Variants in GAS2 observed in about 807,000 individuals in gnomAD.
GAS2 encodes growth arrest specific 2, also known as growth arrest-specific protein 2.
In GAS2, 20 loss-of-function variants were observed where a neutral mutation model predicts 37.5. That is an observed-to-expected ratio of 0.53 (90% CI 0.37 to 0.77). The LOEUF (loss-of-function observed/expected upper bound fraction) is 0.77, where lower values mean the gene tolerates loss of function less well. Ranked by LOEUF, GAS2 falls within the 30% of genes least tolerant of loss-of-function variation. GAS2 has a pLI of 0.00. For missense variants in GAS2, 336 were observed against 373.4 expected, an observed-to-expected ratio of 0.90 and a Z score of 0.82; for synonymous variants, 144 against 132.2, an observed-to-expected ratio of 1.09 and a Z score of -0.61.
intron 1 of GAS2, among the ~76,000 whole-genome samples, chr11:22,647,725 T>G (rs1242304681): frequency 3.3e-5 from 5 of 152,194 alleles, no homozygotes; most frequent in Non-Finnish European, 5.9e-5. Flanking sequence ...TGTCTTCTTT[T>G]GAGAAGTGTC....
chr11:22,786,764 A>C (rs1855838203), intron 7 of GAS2, among the ~76,000 whole-genome samples: 1 of 152,110 alleles, frequency 6.6e-6, no homozygotes, highest in South Asian at 2.1e-4. Flanking sequence ...GGTGAGTGCA[A>C]ACTTGTATCT....
rs112555286 is a variant in GAS2 at position 22,775,058 on chromosome 11, G to A, written c.723+19105G>A. ...AGGAGGAGTGGGCAACGAGAGGCTG[G>A]TGTAGCAAGGGAGACATGATGCCAG... On this transcript the variant is annotated intron_variant, in intron 7 of 7. Coordinates refer to ENST00000454584, the MANE Select transcript of GAS2 (RefSeq NM_001143830.3). Among the ~76,000 whole-genome samples the A allele has an allele frequency of 4.5e-3, 692 of 152,240 alleles. 5 individuals are homozygous for A. The highest frequency in any genetic ancestry group is 0.016 in the African/African-American group (661 of 41,540).
chr11:22,804,855 C>A (rs998151944), intron 7 of GAS2, among the ~76,000 whole-genome samples: 3 of 152,018 alleles, frequency 2.0e-5, no homozygotes, highest in Non-Finnish European at 2.9e-5. Context: ...CTGACCAAAA[C>A]TAAAAGGATC....
rs35919121 is a variant in GAS2, at chr11:22,732,770, TATCATCATCATC to T, written c.410-4903_410-4892del. The stretch of plus-strand genomic sequence containing the variant: ...ACATTCGCATTATTTCCCCTCCATT[TATCATCATCATC>T]ATCATCATCATCATCATCATCATCA... On this transcript the variant is annotated intron_variant, in intron 4 of 7. Transcript: ENST00000454584. Among the ~76,000 whole-genome samples the T allele has an allele frequency of 6.9e-3, 1,003 of 145,916 alleles. 8 individuals are homozygous for T. Among genetic ancestry groups the T allele is most frequent in the African/African-American group, 0.02 (780 of 39,118 alleles).
chr11:22,644,070 A>G (rs1157656709), intron 1 of GAS2, among the ~76,000 whole-genome samples: 2 of 152,174 alleles, frequency 1.3e-5, no homozygotes, highest in African/African-American at 2.4e-5. Flanking sequence ...ATGCATGTAC[A>G]TTACCTGCAT....
chr11:22,785,572 A>G (rs1855781276), intron 7 of GAS2, among the ~76,000 whole-genome samples: 1 of 152,026 alleles, frequency 6.6e-6, no homozygotes, highest in East Asian at 1.9e-4. Flanking sequence ...TGCCCTTGTC[A>G]CCTCCACAGC....
At chr11:22,644,907 A>G (rs953045004) in intron 1 of GAS2, among the ~76,000 whole-genome samples, 1 of 152,136 alleles carries the variant, frequency 6.6e-6, no homozygotes, top group Non-Finnish European at 1.5e-5. Context: ...TACAGGCATG[A>G]GCCACCACTA....
At chr11:22,715,992 T>G (rs1851659996) in intron 3 of GAS2, among the ~76,000 whole-genome samples, 2 of 152,092 alleles carry the variant, frequency 1.3e-5, no homozygotes, top group African/African-American at 4.8e-5. Flanking sequence ...CAAAACATAA[T>G]CCGCCATGAT....
intron 7 of GAS2, among the ~76,000 whole-genome samples, chr11:22,783,891 T>C (rs1327482845): frequency 2.0e-5 from 3 of 152,190 alleles, no homozygotes; most frequent in South Asian, 2.1e-4. Context: ...GCAGCGTTTA[T>C]TGAATTAGCG....
At chr11:22,654,621 C>T (rs1196638654) in intron 1 of GAS2, among the ~76,000 whole-genome samples, 1 of 152,044 alleles carries the variant, frequency 6.6e-6, no homozygotes, top group Non-Finnish European at 1.5e-5. Context: ...ATCTTGAACT[C>T]CCAGGCTAAA....
chr11:22,795,856 A>G (rs1856404190), intron 7 of GAS2, among the ~76,000 whole-genome samples: 2 of 152,164 alleles, frequency 1.3e-5, no homozygotes, highest in South Asian at 4.1e-4. Context: ...GACCAATTTG[A>G]AAACTGTTAA....
intron 4 of GAS2, chr11:22,731,266 A>T (rs949277402): frequency 2.5e-5 from 10 of 401,934 alleles, no homozygotes; most frequent in Non-Finnish European, 4.0e-5. Flanking sequence ...AAGTATTTTA[A>T]AAATACACAC....
intron 7 of GAS2, among the ~76,000 whole-genome samples, chr11:22,759,895 G>A (rs978689030): frequency 2.0e-5 from 3 of 152,102 alleles, no homozygotes; most frequent in Non-Finnish European, 1.5e-5. Flanking sequence ...ATTGAAATCC[G>A]AATGAGCCTG....
intron 7 of GAS2, among the ~76,000 whole-genome samples, chr11:22,780,742 G>T (rs79583409): frequency 0.031 from 4,706 of 151,512 alleles, 226 homozygotes; most frequent in African/African-American, 0.11. Flanking sequence ...GCCATCACTG[G>T]TGGTAGGTCT....
chr11:22,768,195 A>T (rs1328890353), intron 7 of GAS2, among the ~76,000 whole-genome samples: 2 of 152,182 alleles, frequency 1.3e-5, no homozygotes, highest in Non-Finnish European at 2.9e-5. Context: ...AGTGTGTGAA[A>T]ATTTGGGTTT....
At chr11:22,811,731 CA>C (rs1857178493) in intron 7 of GAS2, 66 bp from the exon 8 acceptor site, 1 of 1,433,416 alleles carries the variant, frequency 7.0e-7, no homozygotes, top group Admixed American at 1.7e-5. Context: ...TCACTAGAAC[CA>C]GGGGTTGATT....
At chr11:22,734,458 T>C (rs972152179) in intron 4 of GAS2, among the ~76,000 whole-genome samples, 1 of 151,656 alleles carries the variant, frequency 6.6e-6, no homozygotes, top group African/African-American at 2.4e-5. Context: ...CAATCTAAAT[T>C]ATATCTCCTA....
chr11:22,678,292 A>G (rs1849526792), intron 2 of GAS2, among the ~76,000 whole-genome samples: 1 of 89,734 alleles, frequency 1.1e-5, no homozygotes, highest in South Asian at 3.1e-4. Context: ...ATGTTAGAAG[A>G]TATTTTTCTT....
At chr11:22,755,672 C>A (rs188984037) in intron 6 of GAS2, 174 bp from the exon 7 acceptor site, 6 of 515,984 alleles carry the variant, frequency 1.2e-5, no homozygotes, top group Non-Finnish European at 2.1e-5. Context: ...GTCTTTGGGG[C>A]CTGAACTTTA....
Sources: gnomAD v4.1 joint callset for allele counts (sites outside exome capture counted in the v4.1 genomes callset) on GRCh38, gnomAD v4.1.1 for gene constraint, MANE v1.5 for transcripts, NCBI Gene and HGNC (gene_info 2026-07-23, HGNC 2026-07-21) for gene names.